KCNH8: variants seen among roughly 807,000 people sequenced by gnomAD.
KCNH8 encodes potassium voltage-gated channel subfamily H member 8.
Under a neutral mutation model 103.6 loss-of-function variants are expected in KCNH8, and 70 were observed. The observed-to-expected ratio is 0.68, with a 90% confidence interval of 0.56 to 0.82. KCNH8 has a LOEUF of 0.82. Ranked by LOEUF, KCNH8 falls within the 40% of genes least tolerant of loss-of-function variation. The pLI is 0.00. For synonymous variants in KCNH8, 498 were observed against 489.4 expected, an observed-to-expected ratio of 1.02 and a Z score of -0.23; for missense variants, 1,217 against 1,329.9, an observed-to-expected ratio of 0.92 and a Z score of 1.32.
intron 7 of KCNH8, among the ~76,000 whole-genome samples, chr3:19,405,855 A>G (rs1181685435): frequency 1.3e-5 from 2 of 152,002 alleles, no homozygotes; most frequent in African/African-American, 4.8e-5. Context: ...TTCTTGCATC[A>G]TAAACCCTTT....
chr3:19,343,015 CAAA>C (rs2065682299), intron 4 of KCNH8, among the ~76,000 whole-genome samples: 1 of 151,986 alleles, frequency 6.6e-6, no homozygotes. Flanking sequence ...TTTTATGAAA[CAAA>C]AATGATGCAG....
intron 3 of KCNH8, among the ~76,000 whole-genome samples, chr3:19,342,071 T>C (rs1161382935): frequency 6.6e-6 from 1 of 152,100 alleles, no homozygotes; most frequent in Non-Finnish European, 1.5e-5. Context: ...TAACATAGTA[T>C]GCTATTAGCC....
intron 11 of KCNH8, among the ~76,000 whole-genome samples, chr3:19,490,409 G>C (rs2068293399): frequency 6.6e-6 from 1 of 152,156 alleles, no homozygotes; most frequent in Admixed American, 6.5e-5. Flanking sequence ...GAGAGGGTCG[G>C]GATTGATTGA....
At chr3:19,438,138 C>T (rs769177776) in intron 7 of KCNH8, 26 bp from the exon 8 acceptor site, 1 of 1,583,570 alleles carries the variant, frequency 6.3e-7, no homozygotes, top group South Asian at 1.1e-5. Context: ...TTTCTTCTCT[C>T]ATTTGCTTTA....
At chr3:19,249,934 C>T (rs1298137845) in intron 1 of KCNH8, among the ~76,000 whole-genome samples, 1 of 151,930 alleles carries the variant, frequency 6.6e-6, no homozygotes. Context: ...TCCTATATTT[C>T]CTAATTTTTA....
chr3:19,288,181 C>CTTTTTTTTTTTCTTTTTTTTTTTTTT lies in KCNH8; in HGVS notation c.442+6863_442+6864insCTTTTTTTTTTTTTTTTTTTTTTTTT, dbSNP rs2064861256. Among the ~76,000 whole-genome samples the CTTTTTTTTTTTCTTTTTTTTTTTTTT allele has an allele frequency of 1.3e-4, 5 of 38,160 alleles. 1 individual carries two copies. The highest frequency in any genetic ancestry group is 4.8e-4 in the African/African-American group (5 of 10,364). 25.0% of individuals were successfully genotyped at this position (38,160 alleles called of 152,430 possible). Reference sequence around the variant, plus strand: ...CTTCTTGCACCGGTGTATCAAACTTCTTTTTTTTTTTTTTTTTTTTTTTTT... The same window carrying CTTTTTTTTTTTCTTTTTTTTTTTTTT: ...CTTCTTGCACCGGTGTATCAAACTTCTTTTTTTTTTTCTTTTTTTTTTTTTTTTTTTTTTTTTTTTTTTTTTTTTTT... On this transcript the variant is annotated intron_variant, in intron 3 of 15. Transcript: ENST00000328405.
chr3:19,535,456 T>G lies in KCNH8; in HGVS notation c.*1357T>G, dbSNP rs2069247824. The G allele has an allele frequency of 6.6e-6, 1 of 152,124 alleles. No homozygotes were observed. The highest frequency in any genetic ancestry group is 1.5e-5 in the Non-Finnish European group (1 of 68,032). 9.4% of individuals were successfully genotyped at this position (152,124 alleles called of 1,614,324 possible). On this transcript the variant is annotated 3_prime_UTR_variant, in exon 16 of 16. Transcript: ENST00000328405. ...CTACATCTCACACTAACAGGCAAAT[T>G]CAGATGCTGGGATTGGCAATGATTT...
chr3:19,533,076 C>T (rs947519620), intron 15 of KCNH8, among the ~76,000 whole-genome samples: 14 of 151,862 alleles, frequency 9.2e-5, no homozygotes, highest in South Asian at 6.3e-4. Flanking sequence ...TTGTGGTGGG[C>T]GCCTGTAGTC....
At chr3:19,390,456 T>G in intron 5 of KCNH8, 25 bp from the exon 6 acceptor site, 1 of 1,576,658 alleles carries the variant, frequency 6.3e-7, no homozygotes, top group Non-Finnish European at 8.7e-7. Context: ...TCCTTTTATT[T>G]CTCAACCTTT....
chr3:19,325,942 G>A (rs1195969657), intron 3 of KCNH8, among the ~76,000 whole-genome samples: 2 of 152,032 alleles, frequency 1.3e-5, no homozygotes, highest in African/African-American at 4.8e-5. Flanking sequence ...CAACCTAAAT[G>A]TCCATCAATG....
chr3:19,276,241 T>C (rs73182716), intron 2 of KCNH8, among the ~76,000 whole-genome samples: 1,532 of 151,576 alleles, frequency 0.01, 19 homozygotes, highest in African/African-American at 0.032. Context: ...TCTGGACTAA[T>C]TTCTAAAAAC....
rs373655041 is a variant in KCNH8 at position 19,479,290 on chromosome 3, T to C, written c.2040+22308T>C. 5.9e-5 allele frequency among the ~76,000 whole-genome samples: 9 copies of C among 152,184 alleles called. No homozygotes were observed. In the East Asian group the frequency reaches 1.2e-3, roughly 20 times the overall value. On this transcript the variant is annotated intron_variant, in intron 11 of 15. Transcript: ENST00000328405. ...TACTTCTGTATCAGAAGTGATACCA[T>C]TTACCTAGTGGAAAAGAATTATCCT...
chr3:19,288,556 G>T (rs2064870453), intron 3 of KCNH8, among the ~76,000 whole-genome samples: 1 of 152,082 alleles, frequency 6.6e-6, no homozygotes, highest in Admixed American at 6.6e-5. Flanking sequence ...CAAAGGACAT[G>T]AACTCATCAT....
intron 4 of KCNH8, chr3:19,346,810 C>A: frequency 2.5e-6 from 1 of 398,710 alleles, no homozygotes; most frequent in South Asian, 1.9e-5. Context: ...CATTACCTAT[C>A]TTATATTTCC....
chr3:19,313,782 T>C (rs2065237933), intron 3 of KCNH8, among the ~76,000 whole-genome samples: 1 of 151,790 alleles, frequency 6.6e-6, no homozygotes, highest in Non-Finnish European at 1.5e-5. Context: ...TAGATGATCA[T>C]ACAAAGTACC....
chr3:19,307,858 T>C (rs1480435949), intron 3 of KCNH8, among the ~76,000 whole-genome samples: 1 of 151,656 alleles, frequency 6.6e-6, no homozygotes, highest in African/African-American at 2.4e-5. Flanking sequence ...CTGACAAAAG[T>C]AAAAAGTAGA....
rs545254116 is a variant in KCNH8, at chr3:19,439,800, C to T, written c.1375+1439C>T. 2.0e-5 allele frequency among the ~76,000 whole-genome samples: 3 copies of T among 151,656 alleles called. No homozygotes were observed. In the South Asian group the frequency reaches 6.3e-4, roughly 32 times the overall value. On this transcript the variant is annotated intron_variant, in intron 8 of 15. Coordinates refer to ENST00000328405, the MANE Select transcript of KCNH8 (RefSeq NM_144633.3). ...TAAGCAAAGACGTAAAAGAAAAAAG[C>T]AAAGCCATCTTATGCACAAAGATAA...
At chr3:19,291,159 A>G (rs1051737778) in intron 3 of KCNH8, among the ~76,000 whole-genome samples, 8 of 152,040 alleles carry the variant, frequency 5.3e-5, no homozygotes, top group Admixed American at 3.3e-4. Context: ...TCTTGCTAGC[A>G]GTCTATCAAT....
chr3:19,430,349 G>T (rs534205254), intron 7 of KCNH8, among the ~76,000 whole-genome samples: 1 of 151,900 alleles, frequency 6.6e-6, no homozygotes, highest in Non-Finnish European at 1.5e-5. Flanking sequence ...TACTAGTGCC[G>T]TGCTCTTTTG....
Sources: gnomAD v4.1 joint callset for allele counts (sites outside exome capture counted in the v4.1 genomes callset) on GRCh38, gnomAD v4.1.1 for gene constraint, MANE v1.5 for transcripts, NCBI Gene and HGNC (gene_info 2026-07-23, HGNC 2026-07-21) for gene names.